TUBB8B: variants seen among roughly 807,000 people sequenced by gnomAD.
The protein encoded by TUBB8B is HSA18p11 beta-tubulin 4Q pseudogene.
TUBB8B carries 26 observed loss-of-function variants against 31.9 expected under a neutral mutation model. The observed-to-expected ratio is 0.81, with a 90% CI of 0.60 to 1.13. TUBB8B has a LOEUF of 1.13. Ranked by LOEUF, TUBB8B falls within the 50% of genes most tolerant of loss-of-function variation. TUBB8B has a pLI of 0.00. For synonymous variants in TUBB8B, 173 were observed against 231.0 expected, an observed-to-expected ratio of 0.75 and a Z score of 2.28; for missense variants, 467 against 586.7, an observed-to-expected ratio of 0.80 and a Z score of 2.11.
chr18:56,974 T>TA, the TUBB8B span, among the ~76,000 whole-genome samples: 4 of 151,840 alleles, frequency 2.6e-5, no homozygotes, highest in African/African-American at 9.7e-5. Context: ...AAACTTACTA[T>TA]TGTGAGAATG....
At chr18:67,064 C>T in the TUBB8B span, among the ~76,000 whole-genome samples, 6 of 148,664 alleles carry the variant, frequency 4.0e-5, no homozygotes, top group African/African-American at 5.0e-5. Flanking sequence ...GGCAAGATCT[C>T]GGCTCACTGC....
At chr18:70,756 A>G in the TUBB8B span, among the ~76,000 whole-genome samples, 2 of 152,020 alleles carry the variant, frequency 1.3e-5, no homozygotes, top group Non-Finnish European at 2.9e-5. Flanking sequence ...GTTCAAGACA[A>G]GCCTGACCAA....
the TUBB8B span, among the ~76,000 whole-genome samples, chr18:56,558 CATTTT>C: frequency 6.6e-6 from 1 of 151,674 alleles, no homozygotes; most frequent in African/African-American, 2.4e-5. Context: ...AATTCCCACA[CATTTT>C]GTTTTATTTG....
chr18:58,076 C>G, the TUBB8B span, among the ~76,000 whole-genome samples: 1 of 151,584 alleles, frequency 6.6e-6, no homozygotes, highest in Non-Finnish European at 1.5e-5. Context: ...GCCTCAGGGT[C>G]TGTGATGGGG....
chr18:58,718 T>A, the TUBB8B span, among the ~76,000 whole-genome samples: 1 of 151,818 alleles, frequency 6.6e-6, no homozygotes, highest in Non-Finnish European at 1.5e-5. Flanking sequence ...ATTCCACATT[T>A]TCAGGTATTC....
At chr18:59,888 G>A in the TUBB8B span, among the ~76,000 whole-genome samples, 1 of 151,810 alleles carries the variant, frequency 6.6e-6, no homozygotes, top group East Asian at 1.9e-4. Flanking sequence ...TGATTTGCGT[G>A]TTGAACCATC....
the TUBB8B span, among the ~76,000 whole-genome samples, chr18:66,857 G>A: frequency 1.3e-5 from 2 of 152,176 alleles, no homozygotes; most frequent in African/African-American, 2.4e-5. Context: ...GTGGCTTTGT[G>A]TAGTACTGCC....
the TUBB8B span, among the ~76,000 whole-genome samples, chr18:67,898 G>A: frequency 1.3e-5 from 2 of 152,010 alleles, no homozygotes; most frequent in African/African-American, 4.8e-5. Flanking sequence ...TAAGACTGAT[G>A]GGACACCTGC....
At position 49,233 on chromosome 18, in the gene TUBB8B, C is replaced by T. The variant is rs1397912884; in HGVS notation, c.62G>A (p.Trp21Ter). The T allele has an allele frequency of 1.2e-5, 19 of 1,534,992 alleles. No homozygotes were observed. The African/African-American group carries it at 2.1e-4, about 17-fold the overall frequency. Residue 21 changes from tryptophan (W) to a stop codon, truncating the protein, a stop_gained, in exon 2 of 4, where the codon TGG becomes TAG. Transcript: ENST00000308911. LOFTEE classifies it high-confidence loss of function. The stretch of plus-strand genomic sequence containing the variant: ...GGCATGTTCATCAGAGATCACCTCC[C>T]AGAACTGCAAGAGACGGGAGGGGCC... ...QCGNQIGAKF[W>*]EVISDEHAID... is the part of the protein sequence containing the mutation.
At chr18:69,911 C>T in the TUBB8B span, among the ~76,000 whole-genome samples, 1 of 152,188 alleles carries the variant, frequency 6.6e-6, no homozygotes, top group Non-Finnish European at 1.5e-5. Flanking sequence ...AATCACAGTA[C>T]TTTGGGAGGC....
chr18:58,794 T>C, the TUBB8B span, among the ~76,000 whole-genome samples: 1 of 151,738 alleles, frequency 6.6e-6, no homozygotes, highest in Non-Finnish European at 1.5e-5. Flanking sequence ...TCACTATAAA[T>C]ACCTGAGACT....
upstream of TUBB8B, chr18:49,704 T>C: frequency 1.4e-6 from 1 of 701,106 alleles, no homozygotes; most frequent in South Asian, 1.5e-5. Flanking sequence ...GCAACAGCTT[T>C]ACTTCCACAC....
chr18:69,671 A>T, the TUBB8B span, among the ~76,000 whole-genome samples: 3 of 152,238 alleles, frequency 2.0e-5, no homozygotes, highest in African/African-American at 4.8e-5. Flanking sequence ...ATTAAGCAGG[A>T]ATTATTTTAA....
chr18:52,370 G>C (rs919088410), upstream of TUBB8B, among the ~76,000 whole-genome samples: 3 of 151,448 alleles, frequency 2.0e-5, no homozygotes, highest in Non-Finnish European at 1.5e-5. Context: ...AGTCCAAAAA[G>C]AGAAAGTGGC....
chr18:68,515 G>A, the TUBB8B span, among the ~76,000 whole-genome samples: 1 of 152,120 alleles, frequency 6.6e-6, no homozygotes, highest in Non-Finnish European at 1.5e-5. Context: ...ACTCCCAGCT[G>A]GGTCTGCCCC....
chr18:48,566 G>C (rs1381567699), intron 3 of TUBB8B, 119 bp from the exon 4 acceptor site: 2 of 808,602 alleles, frequency 2.5e-6, no homozygotes, highest in Non-Finnish European at 4.2e-6. Flanking sequence ...CGCCCTGCAG[G>C]TGGAGCAAAT....
Position 47,601 on chromosome 18 carries a change from T to C in TUBB8B, c.1124A>G (p.Gln375Arg). ...CTCTGAGACACATGTGAAGAGTTCC[T>C]GGATGGCCGCATTATTCCCAATGAA... The part of the protein sequence containing the change: ...ATFIGNNAAI[Q>R]ELFTCVSEQF... The change falls in exon 4 of 4, where the codon CAG (glutamine) becomes CGG (arginine). Residue 375 changes from glutamine (Q) to arginine (R), a missense_variant. Gln to Arg is a conservative substitution (Grantham distance 43). Coordinates refer to ENST00000308911, the MANE Select transcript of TUBB8B (RefSeq NM_001358689.2). The C allele has an allele frequency of 1.9e-6, 3 of 1,612,576 alleles. No homozygotes were observed. Among genetic ancestry groups the C allele is most frequent in the Non-Finnish European group, 1.7e-6 (2 of 1,179,214 alleles).
chr18:70,489 AC>A, the TUBB8B span, among the ~76,000 whole-genome samples: 25,997 of 151,390 alleles, frequency 0.17, 1,245 homozygotes, highest in African/African-American at 0.25. Context: ...ACAAAAAATT[AC>A]CCAGGCATCA....
rs1291935452 is a variant in TUBB8B at position 48,432 on chromosome 18, C to G, written c.293G>C (p.Gly98Ala). Residue 98 changes from glycine (G) to alanine (A), a missense_variant, in exon 4 of 4, where the codon GGA becomes GCA. Transcript: ENST00000308911. Reference protein sequence around the residue: ...DNFISGQCGAGNNWAKGRYTE... With the variant: ...DNFISGQCGAANNWAKGRYTE... ...GTAGCGTCCCTTGGCCCAGTTGTTTCCGGCCCCACACTGACCTGTAAGACA... is the reference window on the plus strand; with the variant it reads ...GTAGCGTCCCTTGGCCCAGTTGTTTGCGGCCCCACACTGACCTGTAAGACA... 1 of 1,606,690 alleles carries G rather than the reference C, an allele frequency of 6.2e-7. No homozygotes were observed. The highest frequency in any genetic ancestry group is 1.1e-5 in the South Asian group (1 of 90,862).
Sources: gnomAD v4.1 joint callset for allele counts (sites outside exome capture counted in the v4.1 genomes callset) on GRCh38, gnomAD v4.1.1 for gene constraint, MANE v1.5 for transcripts, NCBI Gene and HGNC (gene_info 2026-07-23, HGNC 2026-07-21) for gene names.